GALNT11: variants seen among roughly 807,000 people sequenced by gnomAD.
GALNT11 encodes UDP-GalNAc:polypeptide N-acetylgalactosaminyltransferase 11.
A neutral mutation model predicts 72.7 loss-of-function variants in GALNT11; 47 were observed. That is an observed-to-expected ratio of 0.65 (90% CI 0.51 to 0.82). GALNT11 has a LOEUF of 0.82. Ranked by LOEUF, GALNT11 falls within the 40% of genes least tolerant of loss-of-function variation. The probability of loss-of-function intolerance (pLI) is 0.00; values close to 1 mark genes in which losing one functional copy is unlikely to be tolerated. For missense variants in GALNT11, 677 were observed against 778.4 expected, an observed-to-expected ratio of 0.87 and a Z score of 1.55; for synonymous variants, 270 against 286.6, an observed-to-expected ratio of 0.94 and a Z score of 0.58.
chr7:152,100,935 C>G lies in GALNT11; in HGVS notation c.419+14C>G. 1 of 1,611,964 alleles carries G rather than the reference C, an allele frequency of 6.2e-7. No homozygotes were observed. On this transcript the variant is annotated intron_variant, in intron 3 of 11. Transcript: ENST00000430044. ...AAGGAATGCAGCGTATGTGCCTTAT[C>G]GGATTTGCAAATACATTTTAACAAC...
intron 1 of GALNT11, among the ~76,000 whole-genome samples, chr7:152,026,905 C>T (rs2082043058): frequency 2.6e-5 from 4 of 152,244 alleles, no homozygotes; most frequent in Admixed American, 2.0e-4. Context: ...CTCTTGAGGG[C>T]AGTGTCATGG....
At chr7:152,075,905 C>A (rs1477658562) in intron 1 of GALNT11, among the ~76,000 whole-genome samples, 4 of 150,876 alleles carry the variant, frequency 2.7e-5, no homozygotes, top group Non-Finnish European at 5.9e-5. Flanking sequence ...ACTAAAAATA[C>A]AAAAAAATTA....
chr7:152,085,957 G>A (rs1373699829), intron 1 of GALNT11, among the ~76,000 whole-genome samples: 1 of 151,130 alleles, frequency 6.6e-6, no homozygotes, highest in Non-Finnish European at 1.5e-5. Context: ...GTGCAACCTC[G>A]GCTCACTGCA....
chr7:152,107,528 T>C (rs930197140), intron 5 of GALNT11: 1 of 153,084 alleles, frequency 6.5e-6, no homozygotes. Flanking sequence ...TTACAGTGCA[T>C]GTCCTAGTCA....
intron 1 of GALNT11, among the ~76,000 whole-genome samples, chr7:152,063,084 C>T (rs1274680782): frequency 4.6e-5 from 7 of 152,178 alleles, no homozygotes; most frequent in Admixed American, 2.6e-4. Context: ...AACTGTGAAT[C>T]CATCTGGTCC....
At chr7:152,096,354 T>C (rs2086370373) in intron 2 of GALNT11, among the ~76,000 whole-genome samples, 1 of 152,290 alleles carries the variant, frequency 6.6e-6, no homozygotes, top group Non-Finnish European at 1.5e-5. Context: ...ACTCAGACTT[T>C]CCAATTTTAA....
chr7:152,078,663 C>A (rs572304378), intron 1 of GALNT11, among the ~76,000 whole-genome samples: 6 of 151,972 alleles, frequency 3.9e-5, no homozygotes, highest in African/African-American at 1.5e-4. Flanking sequence ...GCTTCCTTCC[C>A]CTCCTCCTTT....
At chr7:152,032,999 A>G (rs2082377757) in intron 1 of GALNT11, among the ~76,000 whole-genome samples, 3 of 152,326 alleles carry the variant, frequency 2.0e-5, no homozygotes, top group African/African-American at 7.2e-5. Context: ...TAACACTGAG[A>G]AGGCCACGCC....
intron 1 of GALNT11, among the ~76,000 whole-genome samples, chr7:152,042,755 C>A (rs1286265037): frequency 2.0e-5 from 3 of 152,142 alleles, no homozygotes; most frequent in African/African-American, 7.2e-5. Flanking sequence ...TAAATCCCTT[C>A]CCCATAAATT....
intron 10 of GALNT11, chr7:152,120,624 G>A (rs2089337012): frequency 1.9e-6 from 1 of 525,350 alleles, no homozygotes; most frequent in East Asian, 3.4e-5. Flanking sequence ...CACTGCTTAG[G>A]TTTCTTCCCA....
intron 1 of GALNT11, among the ~76,000 whole-genome samples, chr7:152,051,749 T>C (rs2083416793): frequency 1.3e-5 from 2 of 151,020 alleles, no homozygotes; most frequent in South Asian, 4.1e-4. Flanking sequence ...AAATAGGAAA[T>C]AGAAAAACCT....
At chr7:152,030,525 A>G (rs1224532293) in intron 1 of GALNT11, among the ~76,000 whole-genome samples, 7 of 152,148 alleles carry the variant, frequency 4.6e-5, no homozygotes, top group Non-Finnish European at 8.8e-5. Context: ...TTCTTATTTT[A>G]TATATTTTAT....
chr7:152,116,249 T>C (rs566504576), intron 8 of GALNT11, among the ~76,000 whole-genome samples: 2 of 152,234 alleles, frequency 1.3e-5, no homozygotes, highest in African/African-American at 4.8e-5. Context: ...ATTATTTAAC[T>C]TTATTTATCT....
At chr7:152,090,667 C>T (rs2085960908) in intron 1 of GALNT11, among the ~76,000 whole-genome samples, 3 of 149,560 alleles carry the variant, frequency 2.0e-5, no homozygotes, top group African/African-American at 7.4e-5. Flanking sequence ...CCACCCCACC[C>T]TGCATAGCTC....
chr7:152,036,622 G>A (rs2082592769), intron 1 of GALNT11, among the ~76,000 whole-genome samples: 1 of 152,148 alleles, frequency 6.6e-6, no homozygotes, highest in South Asian at 2.1e-4. Context: ...GGATTGCTGA[G>A]TCACGTGGTA....
chr7:152,049,845 C>G (rs566830158), intron 1 of GALNT11, among the ~76,000 whole-genome samples: 52 of 152,184 alleles, frequency 3.4e-4, no homozygotes, highest in African/African-American at 1.3e-3. Flanking sequence ...TCCCAGTCCT[C>G]CCTCCCTTTT....
chr7:152,070,440 A>G (rs2084569824), intron 1 of GALNT11, among the ~76,000 whole-genome samples: 1 of 152,106 alleles, frequency 6.6e-6, no homozygotes, highest in African/African-American at 2.4e-5. Flanking sequence ...GACTAAACTC[A>G]AGGTGTTGGC....
intron 7 of GALNT11, 88 bp from the exon 8 acceptor site, chr7:152,113,158 G>T: frequency 7.1e-7 from 1 of 1,402,268 alleles, no homozygotes; most frequent in South Asian, 1.5e-5. Flanking sequence ...AACACCTATT[G>T]AATAAAGATT....
rs545678968 is a variant in GALNT11, at chr7:152,096,646, C to T, written c.295+2124C>T. Among the ~76,000 whole-genome samples, 30 of 145,384 alleles carry T rather than the reference C, an allele frequency of 2.1e-4. No homozygotes were observed. The East Asian group carries it at 5.4e-3, about 26-fold the overall frequency. On this transcript the variant is annotated intron_variant, in intron 2 of 11. Transcript: ENST00000430044. ...AAGAGAATTGCTTGAACCTGGGAGG[C>T]GGAGGTTGCAGTGAGTCAAGATCGC... is the stretch of plus-strand genomic sequence containing the variant.
Sources: gnomAD v4.1 joint callset for allele counts (sites outside exome capture counted in the v4.1 genomes callset) on GRCh38, gnomAD v4.1.1 for gene constraint, MANE v1.5 for transcripts, NCBI Gene and HGNC (gene_info 2026-07-23, HGNC 2026-07-21) for gene names.